Variants in TPM4 observed in about 807,000 individuals in gnomAD.
TPM4 encodes the protein tropomyosin alpha-4 chain.
Under a neutral mutation model 35.8 loss-of-function variants are expected in TPM4, and 17 were observed. That is an observed-to-expected ratio of 0.47 (90% CI 0.32 to 0.71). The LOEUF (loss-of-function observed/expected upper bound fraction) is 0.71, where lower values mean the gene tolerates loss of function less well. Ranked by LOEUF, TPM4 falls within the 30% of genes least tolerant of loss-of-function variation. TPM4 has a pLI of 0.03. For missense variants in TPM4, 240 were observed against 320.9 expected (o/e 0.75, Z 1.93); for synonymous variants, 120 against 122.9 (o/e 0.98, Z 0.15).
chr19:16,073,515 G>A (rs1246651884), upstream of TPM4, among the ~76,000 whole-genome samples: 1 of 152,214 alleles, frequency 6.6e-6, no homozygotes, highest in Non-Finnish European at 1.5e-5. Context: ...GGGGACGGGG[G>A]TCGCAGAGCT....
chr19:16,096,369 A>G lies in TPM4; in HGVS notation c.664+2616A>G, dbSNP rs144977301. Among the ~76,000 whole-genome samples the G allele has an allele frequency of 4.0e-3, 603 of 152,266 alleles. 2 individuals carry two copies. The highest frequency in any genetic ancestry group is 0.013 in the African/African-American group (545 of 41,558). ...GCATGAGCCACCGCGCCCATCCCCAATGGTTTTTCCTTAAATAGAAATTGT... is the reference window on the plus strand; with the variant it reads ...GCATGAGCCACCGCGCCCATCCCCAGTGGTTTTTCCTTAAATAGAAATTGT... On this transcript the variant is annotated intron_variant, in intron 7 of 7. Transcript: ENST00000643579.
Position 16,067,686 on chromosome 19 carries a change from G to A in TPM4, c.62G>A (p.Arg21His), listed in dbSNP as rs2090310984. Residue 21 changes from arginine to histidine, a missense_variant, in exon 2 of 3, where the codon CGC becomes CAC. Transcript: ENST00000589897. The surrounding 1 kb of genome is among the most constrained non-coding windows in gnomAD (Gnocchi z 4.1). ...TTGGACAAGGAGAATGCCATCGACC[G>A]CGCGGAGCAGGCGGAGGCGGATAAG... 5 of 1,613,452 alleles carry A rather than the reference G, an allele frequency of 3.1e-6. No individual in the cohort carries two copies. Among genetic ancestry groups the A allele is most frequent in the African/African-American group, 1.3e-5 (1 of 74,912 alleles).
intron 2 of TPM4, among the ~76,000 whole-genome samples, chr19:16,083,562 C>T (rs987925910): frequency 6.6e-6 from 1 of 150,852 alleles, no homozygotes; most frequent in African/African-American, 2.5e-5. Flanking sequence ...TTGGCACAGG[C>T]TCTCTGGAAG....
chr19:16,089,037 T>C lies in TPM4; in HGVS notation c.456-8T>C. On this transcript the variant is annotated splice_region_variant and splice_polypyrimidine_tract_variant and intron_variant, in intron 4 of 7. Coordinates refer to ENST00000643579, the MANE Select transcript of TPM4 (RefSeq NM_003290.3). ...GATAAGACACAAAAATCCTTTGTCT[T>C]TGTGCAGAAAATGTGGTGACCTGGA... 2 of 1,614,052 alleles carry C rather than the reference T, an allele frequency of 1.2e-6. No individual in the cohort carries two copies. Among genetic ancestry groups the C allele is most frequent in the Non-Finnish European group, 1.7e-6 (2 of 1,179,952 alleles).
upstream of TPM4, among the ~76,000 whole-genome samples, chr19:16,073,402 A>G (rs1476324587): frequency 6.6e-6 from 1 of 152,182 alleles, no homozygotes; most frequent in African/African-American, 2.4e-5. Flanking sequence ...AAACTGGCTC[A>G]TTTTCTCAGT....
At chr19:16,079,580 T>C (rs918273546) in intron 1 of TPM4, among the ~76,000 whole-genome samples, 18 of 152,202 alleles carry the variant, frequency 1.2e-4, no homozygotes, top group African/African-American at 4.3e-4. Context: ...TTTCTGCTTC[T>C]AGGAATCTGA....
At chr19:16,087,350 G>A (rs1057414960) in intron 3 of TPM4, among the ~76,000 whole-genome samples, 6 of 152,218 alleles carry the variant, frequency 3.9e-5, no homozygotes, top group African/African-American at 1.4e-4. Flanking sequence ...GCCAAGGCAG[G>A]CAGATCACCT....
chr19:16,088,807 C>G (rs1372274038), intron 4 of TPM4: 5 of 1,280,334 alleles, frequency 3.9e-6, no homozygotes, highest in Non-Finnish European at 5.0e-6. Context: ...GAGTGTTTTC[C>G]AAGCCCTCCA....
At chr19:16,087,584 T>TA (rs1041185720) in intron 3 of TPM4, among the ~76,000 whole-genome samples, 2 of 149,394 alleles carry the variant, frequency 1.3e-5, no homozygotes, top group East Asian at 2.0e-4. Context: ...CTCAAAAGAA[T>TA]AAAAAAATAA....
chr19:16,093,828 T>A (rs1011314249), intron 7 of TPM4, 75 bp downstream of exon 7: 3 of 1,561,436 alleles, frequency 1.9e-6, no homozygotes, highest in East Asian at 2.2e-5. Context: ...AGTTGGGGAA[T>A]GTTTGTGGAG....
Position 16,070,047 on chromosome 19 carries a change from G to A in TPM4, c.114+2309G>A, listed in dbSNP as rs1002184266. On this transcript the variant is annotated intron_variant, in intron 2 of 2. Transcript: ENST00000589897. This position sits in a 1 kb window ranked among gnomAD's most constrained non-coding sequence, Gnocchi z 7.4. Reference sequence around the variant, plus strand: ...TGTGACCTGCTGCAGGGGTGACTGGGTGGGGTCTGGGGACTGGGATGGGAG... The same window carrying A: ...TGTGACCTGCTGCAGGGGTGACTGGATGGGGTCTGGGGACTGGGATGGGAG... Among the ~76,000 whole-genome samples the A allele has an allele frequency of 5.3e-5, 8 of 152,092 alleles. No homozygotes were observed. Among genetic ancestry groups the A allele is most frequent in the Non-Finnish European group, 1.2e-4 (8 of 68,008 alleles).
At chr19:16,093,354 C>G (rs57946141) in intron 5 of TPM4, among the ~76,000 whole-genome samples, 182 bp from the exon 6 acceptor site, 51 of 151,916 alleles carry the variant, frequency 3.4e-4, no homozygotes, top group Admixed American at 7.9e-4. Flanking sequence ...TGCCACCAAG[C>G]CTGGCTAATT....
At chr19:16,086,601 T>G in intron 3 of TPM4, 61 bp downstream of exon 3, 1 of 1,424,950 alleles carries the variant, frequency 7.0e-7, no homozygotes, top group Non-Finnish European at 9.7e-7. Context: ...TCTGCTGAGA[T>G]AGGGAGGACA....
rs1384737208 is a variant in TPM4, at chr19:16,082,002, G to A, written c.222G>A (p.Leu74=). The change falls in exon 2 of 8, where the codon CTG becomes CTA. Residue 74 remains leucine (L), a synonymous_variant. Transcript: ENST00000643579. ...CTCAGGAACGACTGGCCACGGCCCT[G>A]CAGAAGCTGGAGGAGGCAGAAAAAG... ...DRAQERLATA[L]QKLEEAEKAA... is the part of the protein sequence containing the mutation. 1.3e-5 allele frequency: 21 copies of A among 1,610,558 alleles called. No individual in the cohort carries two copies. The highest frequency in any genetic ancestry group is 1.7e-5 in the Non-Finnish European group (20 of 1,177,196).
chr19:16,088,282 A>T (rs2090584057), intron 4 of TPM4, 185 bp downstream of exon 4: 1 of 1,411,516 alleles, frequency 7.1e-7, no homozygotes, highest in East Asian at 2.6e-5. Flanking sequence ...TCTTACTGCC[A>T]TGGGAAGCAC....
chr19:16,071,529 A>T (rs1189615682), upstream of TPM4, among the ~76,000 whole-genome samples: 1 of 152,176 alleles, frequency 6.6e-6, no homozygotes, highest in African/African-American at 2.4e-5. Flanking sequence ...GTTCCTGCAC[A>T]TTTCTGAGCC....
chr19:16,074,396 C>G (rs1369527435), upstream of TPM4: 1 of 152,256 alleles, frequency 6.6e-6, no homozygotes, highest in African/African-American at 2.4e-5. Flanking sequence ...AGCTAGCTTG[C>G]AGACAGCCAC....
At chr19:16,072,656 C>T (rs547996733), upstream of TPM4, among the ~76,000 whole-genome samples, 87 of 152,048 alleles carry the variant, frequency 5.7e-4, no homozygotes, top group African/African-American at 2.0e-3. Context: ...GTGGCTCACA[C>T]CTGTAATCCC....
chr19:16,087,750 A>G (rs1427385275), intron 3 of TPM4, among the ~76,000 whole-genome samples: 2 of 150,796 alleles, frequency 1.3e-5, no homozygotes, highest in African/African-American at 4.9e-5. Context: ...GCGTGGTGGC[A>G]CGCGCCTGTA....
Sources: gnomAD v4.1 joint callset for allele counts (sites outside exome capture counted in the v4.1 genomes callset) on GRCh38, gnomAD v4.1.1 for gene constraint, Gnocchi (gnomAD v3.1) non-coding constraint, MANE v1.5 for transcripts, NCBI Gene and HGNC (gene_info 2026-07-23, HGNC 2026-07-21) for gene names.